Variants in RAI2 observed in about 807,000 individuals in gnomAD.
The protein encoded by RAI2 is retinoic acid-induced protein 2.
RAI2 carries 5 observed loss-of-function variants against 15.3 expected under a neutral mutation model. That is an observed-to-expected ratio of 0.33 (90% CI 0.17 to 0.69). RAI2 has a LOEUF of 0.69. RAI2 is among the 30% of genes least tolerant of loss of function. The pLI is 0.69. For missense variants in RAI2, 424 were observed against 424.7 expected (o/e 1.00, Z 0.01); for synonymous variants, 191 against 184.0 (o/e 1.04, Z -0.31).
chrX:17,856,399 G>T (rs190111960), intron 1 of RAI2, among the ~76,000 whole-genome samples: 4 of 111,717 alleles, frequency 3.6e-5, no homozygotes, highest in Non-Finnish European at 7.5e-5. Context: ...CCTTGTAAAA[G>T]AAGCCCCAGA....
At chrX:17,854,821 G>A (rs764830464) in intron 1 of RAI2, among the ~76,000 whole-genome samples, 11 of 111,903 alleles carry the variant, frequency 9.8e-5, no homozygotes, top group Non-Finnish European at 2.1e-4. Flanking sequence ...GTCTGCTTCT[G>A]CCATGTGAAA....
chrX:17,804,355 C>T (rs1007867435), intron 1 of RAI2, among the ~76,000 whole-genome samples: 1 of 112,259 alleles, frequency 8.9e-6, no homozygotes, highest in Admixed American at 9.4e-5. Context: ...GGACATTATA[C>T]TCTAGTGGAG....
chrX:17,803,680 A>AG (rs2066946090), intron 1 of RAI2, among the ~76,000 whole-genome samples: 1 of 112,302 alleles, frequency 8.9e-6, no homozygotes, highest in East Asian at 2.8e-4. Flanking sequence ...CAGGAGGAGA[A>AG]GGGGGGAGGG....
At chrX:17,851,863 G>T (rs1286102575) in intron 1 of RAI2, among the ~76,000 whole-genome samples, 1 of 112,302 alleles carries the variant, frequency 8.9e-6, no homozygotes, top group Non-Finnish European at 1.9e-5. Context: ...CTGCAATAGG[G>T]TTTATTTAGC....
At chrX:17,849,944 T>G (rs1270037023) in intron 1 of RAI2, among the ~76,000 whole-genome samples, 1 of 112,192 alleles carries the variant, frequency 8.9e-6, no homozygotes, top group Non-Finnish European at 1.9e-5. Flanking sequence ...AAGCCTTCCA[T>G]TTTCTTCATC....
chrX:17,808,080 A>AT (rs944525806), intron 1 of RAI2, among the ~76,000 whole-genome samples: 6 of 109,701 alleles, frequency 5.5e-5, no homozygotes, highest in Non-Finnish European at 1.1e-4. Flanking sequence ...ACATTATGAG[A>AT]TTTTTTTTGC....
chrX:17,815,996 C>T (rs773372034), intron 1 of RAI2, among the ~76,000 whole-genome samples: 1 of 109,848 alleles, frequency 9.1e-6, no homozygotes, highest in African/African-American at 3.3e-5. Flanking sequence ...TCCTCCTCCT[C>T]CTCCTCCTCC....
chrX:17,837,238 T>C (rs1482168119), intron 1 of RAI2, among the ~76,000 whole-genome samples: 1 of 111,395 alleles, frequency 9.0e-6, no homozygotes, highest in East Asian at 2.8e-4. Context: ...ACTATAGAGA[T>C]AATCAGTCGA....
intron 1 of RAI2, among the ~76,000 whole-genome samples, chrX:17,858,272 T>C (rs956649189): frequency 8.9e-6 from 1 of 112,036 alleles, no homozygotes; most frequent in Non-Finnish European, 1.9e-5. Flanking sequence ...TGGAAATTTA[T>C]CTGAGCCTCA....
At chrX:17,842,993 A>T (rs2067416678) in intron 1 of RAI2, among the ~76,000 whole-genome samples, 1 of 112,106 alleles carries the variant, frequency 8.9e-6, no homozygotes, top group African/African-American at 3.2e-5. Context: ...ACACTGCCTG[A>T]TTATTTCAGA....
chrX:17,806,911 C>G (rs1221723301), intron 1 of RAI2, among the ~76,000 whole-genome samples: 6 of 110,286 alleles, frequency 5.4e-5, no homozygotes, highest in Non-Finnish European at 9.5e-5. Flanking sequence ...GTTGAGAACT[C>G]TATCGTAAGA....
At chrX:17,802,139 G>A in intron 1 of RAI2, 105 bp from the exon 2 acceptor site, 1 of 973,561 alleles carries the variant, frequency 1.0e-6, no homozygotes, top group East Asian at 3.2e-5. Flanking sequence ...TAGTTAACCA[G>A]GGAGCATAAC....
intron 1 of RAI2, among the ~76,000 whole-genome samples, chrX:17,805,992 C>A (rs2066975680): frequency 8.9e-6 from 1 of 112,243 alleles, no homozygotes; most frequent in African/African-American, 3.2e-5. Context: ...CAGCAAGCAC[C>A]CCACTCTGAC....
intron 1 of RAI2, among the ~76,000 whole-genome samples, chrX:17,842,498 A>G (rs1213416389): frequency 9.0e-6 from 1 of 111,579 alleles, no homozygotes; most frequent in African/African-American, 3.3e-5. Context: ...TTTGTCACCC[A>G]TGAGAAGTAA....
chrX:17,847,460 TG>T lies in RAI2; in HGVS notation c.-25+13637del, dbSNP rs2067477088. 6.2e-5 allele frequency among the ~76,000 whole-genome samples: 7 copies of T among 113,380 alleles called. No individual in the cohort carries two copies. In the South Asian group the frequency reaches 2.5e-3, roughly 41 times the overall value. ...TTATCAAGGCACACAAGACCCATTA[TG>T]ATGTGGGCCCTGCCCACCTTTTCTG... On this transcript the variant is annotated intron_variant, in intron 1 of 1. Coordinates refer to ENST00000451717, the MANE Select transcript of RAI2 (RefSeq NM_021785.6).
intron 1 of RAI2, among the ~76,000 whole-genome samples, chrX:17,836,758 G>C (rs1413834829): frequency 8.9e-6 from 1 of 112,306 alleles, no homozygotes; most frequent in Non-Finnish European, 1.9e-5. Context: ...GTGCCAGAAA[G>C]CATTTTTCCT....
chrX:17,839,835 C>T (rs1168418011), intron 1 of RAI2, among the ~76,000 whole-genome samples: 2 of 112,495 alleles, frequency 1.8e-5, no homozygotes, highest in Admixed American at 9.4e-5. Context: ...AAGGAGGACA[C>T]AGGTTGGTCT....
rs1056098919 is a variant in RAI2, at chrX:17,826,492, T to A, written c.-24-24458A>T. Among the ~76,000 whole-genome samples the A allele has an allele frequency of 5.4e-5, 6 of 110,805 alleles. No homozygotes were observed. In the Admixed American group the frequency reaches 5.8e-4, roughly 11 times the overall value. The stretch of plus-strand genomic sequence containing the variant: ...TACCTGGTTCATAGACAATGCTCAA[T>A]GAATATTTATTTGGAGGGAGGAAGG... On this transcript the variant is annotated intron_variant, in intron 1 of 1. Coordinates refer to ENST00000451717, the MANE Select transcript of RAI2 (RefSeq NM_021785.6).
chrX:17,818,809 C>T (rs1216982260), intron 1 of RAI2, among the ~76,000 whole-genome samples: 1 of 112,374 alleles, frequency 8.9e-6, no homozygotes, highest in East Asian at 2.8e-4. Flanking sequence ...AATTCTGCCT[C>T]GGAAATGTTG....
Sources: gnomAD v4.1 joint callset for allele counts (sites outside exome capture counted in the v4.1 genomes callset) on GRCh38, gnomAD v4.1.1 for gene constraint, MANE v1.5 for transcripts, NCBI Gene and HGNC (gene_info 2026-07-23, HGNC 2026-07-21) for gene names.